Variants in ATF6 observed in about 807,000 individuals in gnomAD.
ATF6 encodes cyclic AMP-dependent transcription factor ATF-6 alpha.
ATF6 carries 53 observed loss-of-function variants against 83.6 expected under a neutral mutation model. The observed-to-expected ratio is 0.63, with a 90% CI of 0.51 to 0.80. The LOEUF (loss-of-function observed/expected upper bound fraction) is 0.80. Among genes scored for constraint, ATF6 ranks in the 30% least tolerant of loss-of-function variants. The pLI is 0.00. For missense variants in ATF6, 744 were observed against 797.9 expected, an observed-to-expected ratio of 0.93 and a Z score of 0.81; for synonymous variants, 288 against 285.8, an observed-to-expected ratio of 1.01 and a Z score of -0.08.
chr1:161,829,189 C>CTTTTT (rs35619050), intron 9 of ATF6, among the ~76,000 whole-genome samples: 28 of 72,578 alleles, frequency 3.9e-4, no homozygotes, highest in East Asian at 5.7e-4. Context: ...TAATGGGAGA[C>CTTTTT]TTTTTTTTTT....
intron 9 of ATF6, among the ~76,000 whole-genome samples, chr1:161,824,083 GGA>G (rs1283024641): frequency 3.3e-5 from 5 of 152,172 alleles, no homozygotes; most frequent in Non-Finnish European, 5.9e-5. Flanking sequence ...CCCACTAGCA[GGA>G]GAGAGGAGTA....
chr1:161,905,942 C>T (rs184782767), intron 14 of ATF6, among the ~76,000 whole-genome samples: 32 of 152,278 alleles, frequency 2.1e-4, no homozygotes, highest in African/African-American at 7.2e-4. Context: ...ACGCCATTCT[C>T]CTGCCTCAGC....
chr1:161,949,232 G>A (rs183705237), intron 15 of ATF6, among the ~76,000 whole-genome samples: 12 of 152,262 alleles, frequency 7.9e-5, no homozygotes, highest in East Asian at 7.7e-4. Context: ...TCATTCATTC[G>A]TTTATTCCAA....
chr1:161,799,909 A>G (rs16846921), intron 6 of ATF6, among the ~76,000 whole-genome samples: 1,978 of 152,286 alleles, frequency 0.013, 49 homozygotes, highest in African/African-American at 0.044. Flanking sequence ...TGAGTTTTAC[A>G]TGGGTCAACC....
At chr1:161,771,626 G>A (rs1310638966) in intron 1 of ATF6, among the ~76,000 whole-genome samples, 2 of 151,764 alleles carry the variant, frequency 1.3e-5, no homozygotes, top group Non-Finnish European at 2.9e-5. Flanking sequence ...TTCTTTTAGA[G>A]ATGGGGTCTT....
In ATF6 at chr1:161,898,693, G is replaced by A. The variant is rs568039279; in HGVS notation, c.1720-13603G>A. ...CTCCCAAGTAGCTGGGACTATAGGC[G>A]CACGCCACCACGCCCAGCTAATTTT... is the stretch of plus-strand genomic sequence containing the variant. On this transcript the variant is annotated intron_variant, in intron 14 of 15. Coordinates refer to ENST00000367942, the MANE Select transcript of ATF6 (RefSeq NM_007348.4). Among the ~76,000 whole-genome samples the A allele has an allele frequency of 7.3e-3, 1,103 of 151,962 alleles. 5 individuals carry two copies. The highest frequency in any genetic ancestry group is 0.012 in the Non-Finnish European group (819 of 67,928).
Position 161,962,595 on chromosome 1 carries a change from A to G in ATF6, c.*3941A>G, listed in dbSNP as rs773641263. ...AGTTTCAAAGTGACTTTCACTTTCAACAACATATTAGAAGTAACCACTTTT... is the reference window on the plus strand; with the variant it reads ...AGTTTCAAAGTGACTTTCACTTTCAGCAACATATTAGAAGTAACCACTTTT... On this transcript the variant is annotated 3_prime_UTR_variant, in exon 16 of 16. Transcript: ENST00000367942. The G allele has an allele frequency of 2.6e-5, 4 of 152,258 alleles. No individual in the cohort carries two copies. In the East Asian group the frequency reaches 5.8e-4, roughly 22 times the overall value. 9.4% of individuals were successfully genotyped at this position (152,258 alleles called of 1,614,324 possible).
At chr1:161,792,408 G>A in intron 6 of ATF6, 81 bp downstream of exon 6, 1 of 1,380,138 alleles carries the variant, frequency 7.2e-7, no homozygotes, top group South Asian at 1.3e-5. Context: ...TTTAATTCAG[G>A]TTATAATTTC....
chr1:161,889,932 T>C (rs888089953), intron 14 of ATF6, among the ~76,000 whole-genome samples: 3 of 152,214 alleles, frequency 2.0e-5, no homozygotes, highest in African/African-American at 7.2e-5. Flanking sequence ...AATTTCAAAC[T>C]TACAGAAAAG....
intron 15 of ATF6, among the ~76,000 whole-genome samples, chr1:161,931,176 G>C (rs1017918886): frequency 6.6e-6 from 1 of 152,138 alleles, no homozygotes; most frequent in South Asian, 2.1e-4. Context: ...CACCTGGCTG[G>C]TTCCAAGAAA....
At chr1:161,852,420 A>T (rs962150967) in intron 11 of ATF6, among the ~76,000 whole-genome samples, 1 of 151,462 alleles carries the variant, frequency 6.6e-6, no homozygotes, top group Non-Finnish European at 1.5e-5. Context: ...AAAAATTTGA[A>T]TTTTTTTTTA....
chr1:161,805,874 A>G (rs952454259), intron 7 of ATF6, among the ~76,000 whole-genome samples: 1 of 150,172 alleles, frequency 6.7e-6, no homozygotes. Flanking sequence ...TTCTTTTTCT[A>G]CCTTTTTTAG....
chr1:161,919,120 T>G (rs1381615298), intron 15 of ATF6, among the ~76,000 whole-genome samples: 1 of 152,238 alleles, frequency 6.6e-6, no homozygotes, highest in Non-Finnish European at 1.5e-5. Context: ...TGTTTTTTAC[T>G]TTGCATTCTG....
chr1:161,921,127 A>C (rs543285982), intron 15 of ATF6, among the ~76,000 whole-genome samples: 19 of 152,324 alleles, frequency 1.2e-4, no homozygotes, highest in African/African-American at 4.1e-4. Flanking sequence ...CAACAACTTA[A>C]GAGCAGCTAA....
chr1:161,919,984 TCA>T (rs1430519614), intron 15 of ATF6, among the ~76,000 whole-genome samples: 1 of 152,186 alleles, frequency 6.6e-6, no homozygotes, highest in Non-Finnish European at 1.5e-5. Flanking sequence ...CTTTTGATGA[TCA>T]CAGTTTTTTG....
intron 7 of ATF6, among the ~76,000 whole-genome samples, chr1:161,812,923 T>C (rs1052331838): frequency 6.6e-6 from 1 of 152,112 alleles, no homozygotes; most frequent in Non-Finnish European, 1.5e-5. Context: ...TGACCACTTA[T>C]AATTGAGTTA....
intron 15 of ATF6, among the ~76,000 whole-genome samples, chr1:161,929,819 A>T (rs1423603429): frequency 6.6e-6 from 1 of 152,226 alleles, no homozygotes; most frequent in Non-Finnish European, 1.5e-5. Context: ...GTGATAGCTT[A>T]TATTCTCCAA....
intron 14 of ATF6, among the ~76,000 whole-genome samples, chr1:161,896,971 A>C (rs1207118516): frequency 6.6e-6 from 1 of 152,228 alleles, no homozygotes; most frequent in Non-Finnish European, 1.5e-5. Flanking sequence ...TGTTCTAATC[A>C]GTAAATAAAA....
chr1:161,795,447 T>G (rs951364654), intron 6 of ATF6, among the ~76,000 whole-genome samples: 3 of 152,238 alleles, frequency 2.0e-5, no homozygotes, highest in Non-Finnish European at 2.9e-5. Flanking sequence ...GGTTGTGATA[T>G]CTCCATTTTT....
Sources: gnomAD v4.1 joint callset for allele counts (sites outside exome capture counted in the v4.1 genomes callset) on GRCh38, gnomAD v4.1.1 for gene constraint, MANE v1.5 for transcripts, NCBI Gene and HGNC (gene_info 2026-07-23, HGNC 2026-07-21) for gene names.